The following PARD6G variants were observed in gnomAD, a reference collection of about 807,000 sequenced individuals.
The protein encoded by PARD6G is par-6 family cell polarity regulator gamma.
In PARD6G, 7 loss-of-function variants were observed where a neutral mutation model predicts 10.7. That is an observed-to-expected ratio of 0.66 (90% CI 0.37 to 1.23). The LOEUF is 1.23. Ranked by LOEUF, PARD6G falls within the 50% of genes most tolerant of loss-of-function variation. PARD6G has a pLI of 0.02. For synonymous variants in PARD6G, 287 were observed against 269.4 expected (o/e 1.07, Z -0.64); for missense variants, 548 against 571.8 (o/e 0.96, Z 0.42).
chr18:80,175,610 C>G lies in PARD6G; in HGVS notation c.296-15004G>C, dbSNP rs181626205. ...TGGGGTGACGTATCGATTCAGTGCACTACGCACACTGTTCCGTAATTGTTC... is the reference window on the plus strand; with the variant it reads ...TGGGGTGACGTATCGATTCAGTGCAGTACGCACACTGTTCCGTAATTGTTC... On this transcript the variant is annotated intron_variant, in intron 2 of 2. Transcript: ENST00000353265. This position sits in a 1 kb window ranked among gnomAD's most constrained non-coding sequence, Gnocchi z 6.7. 2.7e-3 allele frequency among the ~76,000 whole-genome samples: 405 copies of G among 152,364 alleles called. 2 individuals carry two copies. The highest frequency in any genetic ancestry group is 9.4e-3 in the African/African-American group (391 of 41,564).
At chr18:80,237,900 G>A (rs901658261) in intron 1 of PARD6G, among the ~76,000 whole-genome samples, 1 of 152,100 alleles carries the variant, frequency 6.6e-6, no homozygotes, top group African/African-American at 2.4e-5. Context: ...CTGTTGGTGG[G>A]ACTGTAAACT....
At chr18:80,241,833 G>A (rs1308161029) in intron 1 of PARD6G, among the ~76,000 whole-genome samples, 1 of 152,088 alleles carries the variant, frequency 6.6e-6, no homozygotes, top group African/African-American at 2.4e-5. Flanking sequence ...GTCATGCCAG[G>A]CTCCCTTCTT....
intron 1 of PARD6G, among the ~76,000 whole-genome samples, chr18:80,222,233 C>T (rs555502061): frequency 8.6e-5 from 13 of 151,820 alleles, no homozygotes; most frequent in East Asian, 3.9e-4. Context: ...TACAGGCATG[C>T]GCCGCCACAC....
chr18:80,186,249 C>T (rs1004758652), intron 2 of PARD6G, among the ~76,000 whole-genome samples: 9 of 148,316 alleles, frequency 6.1e-5, no homozygotes, highest in Admixed American at 2.7e-4. Context: ...CATGCATCCT[C>T]ACACACATGC....
At chr18:80,238,337 G>A (rs1410411850) in intron 1 of PARD6G, among the ~76,000 whole-genome samples, 2 of 152,078 alleles carry the variant, frequency 1.3e-5, no homozygotes, top group East Asian at 3.9e-4. Flanking sequence ...ACTGGGGCCT[G>A]TTGTGGGGTG....
chr18:80,224,668 A>C (rs948101007), intron 1 of PARD6G, among the ~76,000 whole-genome samples: 9 of 152,194 alleles, frequency 5.9e-5, no homozygotes, highest in Non-Finnish European at 1.2e-4. Context: ...TAACACGGTG[A>C]AACCCCATCT....
chr18:80,213,723 C>T (rs925781604), intron 1 of PARD6G, among the ~76,000 whole-genome samples: 1 of 152,066 alleles, frequency 6.6e-6, no homozygotes, highest in African/African-American at 2.4e-5. Context: ...CTCTGGGAGG[C>T]CGAGGAGGGC....
At chr18:80,212,656 C>A (rs376643661) in intron 1 of PARD6G, among the ~76,000 whole-genome samples, 375 of 152,160 alleles carry the variant, frequency 2.5e-3, no homozygotes, top group African/African-American at 8.6e-3. Context: ...GAGGCCAAGG[C>A]GGGCGGATGA....
In PARD6G at chr18:80,157,766, C is replaced by G. The variant is rs2052665311; in HGVS notation, c.*2005G>C. The G allele has an allele frequency of 6.6e-6, 1 of 152,180 alleles. No homozygotes were observed. Among genetic ancestry groups the G allele is most frequent in the African/African-American group, 2.4e-5 (1 of 41,436 alleles). The allele number at this position is 152,180 out of a possible 1,614,324, so 9.4% of individuals were successfully genotyped here. A position where few individuals can be genotyped will look rare whatever the true frequency, so the allele number is the denominator to read the frequency against. On this transcript the variant is annotated 3_prime_UTR_variant, in exon 3 of 3. Transcript: ENST00000353265. ...GCAATCCATTGCATACAAATAACAT[C>G]AAACACAGGTGCAGGAATTCACAAC...
intron 2 of PARD6G, among the ~76,000 whole-genome samples, chr18:80,198,947 T>C (rs973666552): frequency 6.6e-6 from 1 of 152,176 alleles, no homozygotes; most frequent in Admixed American, 6.5e-5. Flanking sequence ...TCAATGGTTG[T>C]TGGTATTTAT....
chr18:80,214,329 G>A (rs2145289375), intron 1 of PARD6G, among the ~76,000 whole-genome samples: 1 of 152,152 alleles, frequency 6.6e-6, no homozygotes, highest in East Asian at 1.9e-4. Flanking sequence ...GCCAGGTGTG[G>A]GGGGTGAGCG....
At chr18:80,170,496 C>G (rs548675152) in intron 2 of PARD6G, 2 of 152,312 alleles carry the variant, frequency 1.3e-5, no homozygotes, top group Non-Finnish European at 2.9e-5. Flanking sequence ...CAAGGACACC[C>G]AGGTTGATAG....
intron 1 of PARD6G, among the ~76,000 whole-genome samples, chr18:80,241,335 T>C (rs1441054795): frequency 1.3e-5 from 2 of 152,170 alleles, no homozygotes; most frequent in Non-Finnish European, 2.9e-5. Flanking sequence ...ATGAGCTTTA[T>C]GACCTTCGGC....
Position 80,247,183 on chromosome 18 carries a change from C to A in PARD6G, c.72+94G>T. 1.0e-6 allele frequency: 1 copy of A among 1,001,864 alleles called. No individual in the cohort carries two copies. The highest frequency in any genetic ancestry group is 1.4e-6 in the Non-Finnish European group (1 of 713,452). The allele number at this position is 1,001,864 out of a possible 1,614,324, so 62.1% of individuals were successfully genotyped here. On this transcript the variant is annotated intron_variant, in intron 1 of 2. Transcript: ENST00000353265. This position sits in a 1 kb window ranked among gnomAD's most constrained non-coding sequence, Gnocchi z 4.2. The stretch of plus-strand genomic sequence containing the variant: ...CTGGAAAGTTGTCGCCGGCGCCTGT[C>A]GCCTCCACGCCGCCCCAGTCCCCCT...
At chr18:80,170,405 C>T (rs539956252) in intron 2 of PARD6G, 18 of 152,520 alleles carry the variant, frequency 1.2e-4, no homozygotes, top group African/African-American at 4.1e-4. Context: ...CAGCACAGAA[C>T]AGCTCAAGAT....
At chr18:80,214,838 A>G (rs1157222846) in intron 1 of PARD6G, among the ~76,000 whole-genome samples, 1 of 152,194 alleles carries the variant, frequency 6.6e-6, no homozygotes, top group East Asian at 1.9e-4. Context: ...ATTTGATGAA[A>G]AATTAATCTA....
Position 80,160,515 on chromosome 18 carries a change from A to G in PARD6G, c.387T>C (p.Arg129=), listed in dbSNP as rs779883745. ...GALRDEGPRR[R]AHLDIGLPRD... ...GCGGGAGGCCGATGTCCAGGTGTGC[A>G]CGCCGCCGGGGTCCTTCATCACGCA... The change falls in exon 3 of 3, where the codon CGT becomes CGC. Residue 129 remains arginine (R), a synonymous_variant. Coordinates refer to ENST00000353265, the MANE Select transcript of PARD6G (RefSeq NM_032510.4). The G allele has an allele frequency of 3.7e-5, 56 of 1,529,490 alleles. No individual in the cohort carries two copies. The highest frequency in any genetic ancestry group is 3.6e-5 in the Non-Finnish European group (41 of 1,138,104). 94.7% of individuals were successfully genotyped at this position (1,529,490 alleles called of 1,614,324 possible). A position where few individuals can be genotyped will look rare whatever the true frequency, so the allele number is the denominator to read the frequency against.
intron 1 of PARD6G, among the ~76,000 whole-genome samples, chr18:80,209,616 G>T (rs1297874532): frequency 1.3e-5 from 2 of 152,124 alleles, no homozygotes; most frequent in African/African-American, 4.8e-5. Context: ...TTTGATACCA[G>T]CCTGGGCAAC....
chr18:80,187,008 AG>A (rs1335126112), intron 2 of PARD6G, among the ~76,000 whole-genome samples: 1 of 151,876 alleles, frequency 6.6e-6, no homozygotes, highest in East Asian at 1.9e-4. Flanking sequence ...CTGAGGCAGG[AG>A]AATGGCGTGA....
Sources: gnomAD v4.1 joint callset for allele counts (sites outside exome capture counted in the v4.1 genomes callset) on GRCh38, gnomAD v4.1.1 for gene constraint, Gnocchi (gnomAD v3.1) non-coding constraint, MANE v1.5 for transcripts, NCBI Gene and HGNC (gene_info 2026-07-23, HGNC 2026-07-21) for gene names.